The following RTF1 variants were observed in gnomAD, a reference collection of about 807,000 sequenced individuals.
RTF1 encodes RNA polymerase-associated protein RTF1 homolog.
A neutral mutation model predicts 95.7 loss-of-function variants in RTF1; 10 were observed. The observed-to-expected ratio is 0.10, with a 90% CI of 0.06 to 0.18. The LOEUF (loss-of-function observed/expected upper bound fraction) is 0.18, where lower values mean the gene tolerates loss of function less well. Among genes scored for constraint, RTF1 ranks in the 10% least tolerant of loss-of-function variants. The pLI is 1.00. For missense variants in RTF1, 458 were observed against 875.6 expected (o/e 0.52, Z 6.02); for synonymous variants, 305 against 311.8 (o/e 0.98, Z 0.23).
Position 41,471,184 on chromosome 15 carries a change from C to T in RTF1, c.1038C>T (p.Ile346=). ...TTGTTCCTCTTAGGAAAGAAGAGATCCCTCCCAAATCCCAACCAGTTTCCT... is the reference window on the plus strand; with the variant it reads ...TTGTTCCTCTTAGGAAAGAAGAGATTCCTCCCAAATCCCAACCAGTTTCCT... ...SSDEEEEKEE[I]PPKSQPVSLP... Residue 346 remains isoleucine, a synonymous_variant, in exon 8 of 18, where the codon ATC becomes ATT. Transcript: ENST00000389629. The T allele has an allele frequency of 6.2e-7, 1 of 1,607,196 alleles. No individual in the cohort carries two copies.
At chr15:41,434,462 C>T (rs1296681309) in intron 1 of RTF1, among the ~76,000 whole-genome samples, 1 of 151,960 alleles carries the variant, frequency 6.6e-6, no homozygotes, top group Admixed American at 6.6e-5. Flanking sequence ...TATATGATTC[C>T]ATCTATATGA....
At chr15:41,435,622 A>AG (rs2050697935) in intron 1 of RTF1, among the ~76,000 whole-genome samples, 1 of 152,194 alleles carries the variant, frequency 6.6e-6, no homozygotes, top group Non-Finnish European at 1.5e-5. Flanking sequence ...GTGAAATGAC[A>AG]AGAGTTAACA....
chr15:41,457,590 G>T, intron 3 of RTF1, 82 bp from the exon 4 acceptor site: 2 of 1,139,956 alleles, frequency 1.8e-6, no homozygotes, highest in Non-Finnish European at 2.6e-6. Context: ...TGAAAGAAGG[G>T]TGATGTTGTC....
intron 14 of RTF1, 55 bp from the exon 15 acceptor site, chr15:41,478,493 T>C: frequency 7.7e-7 from 1 of 1,303,216 alleles, no homozygotes; most frequent in Non-Finnish European, 1.1e-6. Context: ...GAGCTTATGG[T>C]GAATGAGAGG....
intron 2 of RTF1, among the ~76,000 whole-genome samples, chr15:41,445,617 G>T (rs1484690661): frequency 6.6e-6 from 1 of 151,964 alleles, no homozygotes; most frequent in African/African-American, 2.4e-5. Flanking sequence ...GAAAGGAAAA[G>T]AAAGCTAAGA....
rs182713262 is a variant in RTF1, at chr15:41,432,185, T to C, written c.199-6136T>C. Among the ~76,000 whole-genome samples the C allele has an allele frequency of 2.5e-3, 385 of 151,482 alleles. 1 individual carries two copies. Among genetic ancestry groups the C allele is most frequent in the African/African-American group, 8.5e-3 (353 of 41,368 alleles). On this transcript the variant is annotated intron_variant, in intron 1 of 17. Transcript: ENST00000389629. ...TGTTTGTTGATGAAGGAGAGCTGTT[T>C]GTTAGGTTTTCTTTTTTTTTTTTTT...
chr15:41,468,193 G>A (rs1300031019), intron 6 of RTF1, among the ~76,000 whole-genome samples: 2 of 149,758 alleles, frequency 1.3e-5, no homozygotes, highest in African/African-American at 5.1e-5. Context: ...AAATAATAAC[G>A]TGTTCTGTCC....
chr15:41,470,348 G>C lies in RTF1; in HGVS notation c.981G>C (p.Lys327Asn). 2.5e-6 allele frequency: 4 copies of C among 1,614,142 alleles called. No homozygotes were observed. The highest frequency in any genetic ancestry group is 3.4e-6 in the Non-Finnish European group (4 of 1,180,006). Residue 327 changes from lysine to asparagine, a missense_variant, in exon 7 of 18, where the codon AAG (lysine) becomes AAC (asparagine). This residue lies in a region of RTF1 where 150 missense variants were observed against 275.7 expected (regional missense o/e 0.54). Transcript: ENST00000389629. ...EEEEDDKSSEKSDRSSRTSSS... is the reference protein window; with the variant it reads ...EEEEDDKSSENSDRSSRTSSS... Reference sequence around the variant, plus strand: ...AAGAGGATGACAAATCCAGTGAAAAGTCAGACCGCTCATCACGAACATCAT... The same window carrying C: ...AAGAGGATGACAAATCCAGTGAAAACTCAGACCGCTCATCACGAACATCAT...
intron 6 of RTF1, among the ~76,000 whole-genome samples, chr15:41,468,341 G>T (rs111624454): frequency 2.7e-4 from 40 of 149,032 alleles, no homozygotes; most frequent in Non-Finnish European, 4.6e-4. Context: ...TTTTTGAGAC[G>T]GAGTCTCGCT....
intron 1 of RTF1, among the ~76,000 whole-genome samples, chr15:41,423,387 A>C (rs7168177): frequency 4.1e-4 from 52 of 127,634 alleles, no homozygotes; most frequent in Admixed American, 5.2e-4. Context: ...CCCAGCCCCC[A>C]CCCAAGATGG....
chr15:41,434,063 T>TCGAA (rs975164830), intron 1 of RTF1, among the ~76,000 whole-genome samples: 5 of 151,906 alleles, frequency 3.3e-5, no homozygotes, highest in Admixed American at 3.3e-4. Context: ...CAGGCTGGTC[T>TCGAA]CGAACTCCCA....
intron 1 of RTF1, among the ~76,000 whole-genome samples, chr15:41,434,641 T>C (rs2050692579): frequency 6.8e-6 from 1 of 147,488 alleles, no homozygotes; most frequent in Non-Finnish European, 1.5e-5. Context: ...TTTTTTTTTC[T>C]TTTTGAGATG....
intron 1 of RTF1, among the ~76,000 whole-genome samples, chr15:41,422,228 A>G (rs1333049888): frequency 6.6e-6 from 1 of 151,878 alleles, no homozygotes; most frequent in African/African-American, 2.4e-5. Context: ...TAGAGACGCT[A>G]TGTTGGCCAG....
chr15:41,427,507 TATTC>T (rs2050641829), intron 1 of RTF1, among the ~76,000 whole-genome samples: 1 of 152,084 alleles, frequency 6.6e-6, no homozygotes, highest in African/African-American at 2.4e-5. Context: ...TGGTCCCAGC[TATTC>T]ATTCAAAATA....
chr15:41,439,263 T>G (rs546753316), intron 2 of RTF1, among the ~76,000 whole-genome samples: 1 of 152,180 alleles, frequency 6.6e-6, no homozygotes, highest in East Asian at 1.9e-4. Flanking sequence ...CTCAATCTCC[T>G]GACCTCGTGA....
intron 14 of RTF1, 140 bp from the exon 15 acceptor site, chr15:41,478,408 A>T (rs2050953034): frequency 1.4e-6 from 1 of 709,226 alleles, no homozygotes; most frequent in Non-Finnish European, 2.4e-6. Context: ...CTCAAAAAAA[A>T]TTAAAAAAAA....
At chr15:41,440,188 C>CTTTTTTTTTTTTTTTTTTTTTTTTTTTTT (rs1276761295) in intron 2 of RTF1, 1 of 113,732 alleles carries the variant, frequency 8.8e-6, no homozygotes. Flanking sequence ...TAATTTCTTT[C>CTTTTTTTTTTTTTTTTTTTTTTTTTTTTT]TTTTTTTTTT....
In RTF1 at chr15:41,480,731, G is replaced by C. The variant is rs773351721; in HGVS notation, c.*44G>C. The C allele has an allele frequency of 3.4e-5, 47 of 1,364,224 alleles. No individual in the cohort carries two copies. In the South Asian group the frequency reaches 4.8e-4, roughly 14 times the overall value. 84.5% of individuals were successfully genotyped at this position (1,364,224 alleles called of 1,614,324 possible). ...TTCTGACCCTGCATGCCCCATCGCA[G>C]CGTCCCACCTTTCCTCCTTTCCTTT... On this transcript the variant is annotated 3_prime_UTR_variant, in exon 18 of 18. Coordinates refer to ENST00000389629, the MANE Select transcript of RTF1 (RefSeq NM_015138.5).
At chr15:41,480,444 C>T (rs1260327356) in intron 17 of RTF1, 119 bp downstream of exon 17, 2 of 964,512 alleles carry the variant, frequency 2.1e-6, no homozygotes, top group East Asian at 2.4e-5. Flanking sequence ...TCAGCATCCA[C>T]AGGCCAGGCC....
Sources: gnomAD v4.1 joint callset for allele counts (sites outside exome capture counted in the v4.1 genomes callset) on GRCh38, gnomAD v4.1.1 for gene constraint, gnomAD v4.1.1 regional missense constraint, MANE v1.5 for transcripts, NCBI Gene and HGNC (gene_info 2026-07-23, HGNC 2026-07-21) for gene names.